The following RASEF variants were observed in gnomAD, a reference collection of about 807,000 sequenced individuals.
The protein encoded by RASEF is ras and EF-hand domain-containing protein.
A neutral mutation model predicts 90.1 loss-of-function variants in RASEF; 68 were observed. The observed-to-expected ratio is 0.75, with a 90% CI of 0.62 to 0.92. The LOEUF (loss-of-function observed/expected upper bound fraction) is 0.92. Ranked by LOEUF, RASEF falls within the 40% of genes least tolerant of loss-of-function variation. The pLI, the probability that RASEF is intolerant of heterozygous loss-of-function variation, is 0.00. For missense variants in RASEF, 949 were observed against 937.2 expected (o/e 1.01, Z -0.16); for synonymous variants, 331 against 345.2 (o/e 0.96, Z 0.46).
At position 83,021,055 on chromosome 9, in the gene RASEF, A is replaced by G. The variant is rs895270112; in HGVS notation, c.669+1281T>C. 3.3e-5 allele frequency among the ~76,000 whole-genome samples: 5 copies of G among 152,240 alleles called. No individual in the cohort carries two copies. The South Asian group carries it at 1.0e-3, about 32-fold the overall frequency. On this transcript the variant is annotated intron_variant, in intron 3 of 16. Coordinates refer to ENST00000376447, the MANE Select transcript of RASEF (RefSeq NM_152573.4). ...GGACAACAAAGACACCCCAGGGCAT[A>G]TATGTGGTAAAGCCATTTAAGGTGA...
intron 16 of RASEF, among the ~76,000 whole-genome samples, chr9:82,989,208 ATATG>A (rs1828767727): frequency 6.8e-6 from 1 of 147,798 alleles, no homozygotes; most frequent in Non-Finnish European, 1.5e-5. Context: ...GTATATATGT[ATATG>A]TATGTGTGCA....
chr9:83,036,289 C>T (rs1010378752), intron 1 of RASEF, among the ~76,000 whole-genome samples: 1 of 152,240 alleles, frequency 6.6e-6, no homozygotes. Context: ...TTGGAAGCAG[C>T]TGCCTCGGCC....
chr9:83,142,080 A>T, the RASEF span, among the ~76,000 whole-genome samples: 161 of 152,272 alleles, frequency 1.1e-3, no homozygotes, highest in African/African-American at 3.7e-3. Flanking sequence ...CCTGGCAAAA[A>T]CTAATGCTGC....
the RASEF span, among the ~76,000 whole-genome samples, chr9:83,192,810 C>T: frequency 2.7e-5 from 4 of 150,782 alleles, no homozygotes; most frequent in South Asian, 2.1e-4. Context: ...ACATCACAAG[C>T]GAGGAAAGCT....
rs1315131820 is a variant in RASEF, at chr9:83,030,834, TTTTC to T, written c.432-4917_432-4914del. On this transcript the variant is annotated intron_variant, in intron 1 of 16. Transcript: ENST00000376447. ...AATCGCTTACAAAATCTTCAGCACATTTTCTTTCTTTTTTCTTTCTTTCTCACTT... is the reference window on the plus strand; with the variant it reads ...AATCGCTTACAAAATCTTCAGCACATTTTCTTTTTTCTTTCTTTCTCACTT... 1.1e-4 allele frequency among the ~76,000 whole-genome samples: 17 copies of T among 152,154 alleles called. 1 individual carries two copies. The highest frequency in any genetic ancestry group is 8.5e-4 in the Admixed American group (13 of 15,276).
chr9:83,172,686 T>C, the RASEF span, among the ~76,000 whole-genome samples: 2 of 151,944 alleles, frequency 1.3e-5, no homozygotes. Flanking sequence ...TTTCTGACTT[T>C]TTGTGTTTTA....
the RASEF span, among the ~76,000 whole-genome samples, chr9:83,215,685 A>T: frequency 6.6e-6 from 1 of 152,222 alleles, no homozygotes; most frequent in East Asian, 1.9e-4. Flanking sequence ...TGCAGACAGT[A>T]GGGTGCTGCT....
chr9:83,177,926 T>C, the RASEF span, among the ~76,000 whole-genome samples: 1 of 152,112 alleles, frequency 6.6e-6, no homozygotes, highest in African/African-American at 2.4e-5. Context: ...CCGATTTTCT[T>C]CATTCTTTCC....
chr9:83,054,335 A>G (rs1321978727), intron 1 of RASEF, among the ~76,000 whole-genome samples: 1 of 13,472 alleles, frequency 7.4e-5, no homozygotes, highest in Non-Finnish European at 1.5e-4. Context: ...AGTTGATCGC[A>G]TCGGCTCCTG....
At chr9:82,996,238 GTAATATACTTAGTTGAAAAGTTGTAT>G (rs1483111409) in intron 14 of RASEF, among the ~76,000 whole-genome samples, 2 of 152,184 alleles carry the variant, frequency 1.3e-5, no homozygotes, top group Admixed American at 6.5e-5. Flanking sequence ...TAAATTACAG[GTAATATACTTAGTTGAAAAGTTGTAT>G]TAATATACTT....
the RASEF span, among the ~76,000 whole-genome samples, chr9:83,181,427 T>C: frequency 2.6e-5 from 4 of 152,160 alleles, no homozygotes; most frequent in African/African-American, 9.7e-5. Flanking sequence ...AGGACCAAAA[T>C]GGAAGAGATC....
rs555499678 is a variant in RASEF at position 83,029,249 on chromosome 9, C to T, written c.432-3328G>A. 4.6e-5 allele frequency among the ~76,000 whole-genome samples: 7 copies of T among 152,210 alleles called. No homozygotes were observed. In the East Asian group the frequency reaches 1.2e-3, roughly 25 times the overall value. On this transcript the variant is annotated intron_variant, in intron 1 of 16. Transcript: ENST00000376447. ...CTTCCCTATGTGTTAAATAGCTAAA[C>T]TCTGGCAGAAGAAATGGGATTCAAA... is the stretch of plus-strand genomic sequence containing the variant.
chr9:83,104,091 C>T, the RASEF span, among the ~76,000 whole-genome samples: 6 of 152,134 alleles, frequency 3.9e-5, no homozygotes, highest in Non-Finnish European at 7.4e-5. Flanking sequence ...ATCCTCCAAA[C>T]ACAGCCTCAG....
intron 10 of RASEF, 77 bp downstream of exon 10, chr9:83,000,819 G>T: frequency 7.9e-7 from 1 of 1,269,040 alleles, no homozygotes; most frequent in Non-Finnish European, 1.1e-6. Flanking sequence ...AGATTTCCAT[G>T]ACAGATAGAA....
At chr9:83,207,662 C>T in the RASEF span, among the ~76,000 whole-genome samples, 5 of 122,360 alleles carry the variant, frequency 4.1e-5, no homozygotes, top group African/African-American at 1.5e-4. Context: ...TGGTGGAGCG[C>T]AGTGGCGCAA....
intron 8 of RASEF, 140 bp from the exon 9 acceptor site, chr9:83,004,726 C>T (rs1474050334): frequency 3.3e-6 from 2 of 601,912 alleles, no homozygotes; most frequent in African/African-American, 1.8e-5. Flanking sequence ...GTTTGTTACA[C>T]TACCTGAGCA....
At chr9:83,218,725 A>AT in the RASEF span, among the ~76,000 whole-genome samples, 7 of 152,222 alleles carry the variant, frequency 4.6e-5, no homozygotes, top group Non-Finnish European at 1.0e-4. Flanking sequence ...CCGCCCTTGC[A>AT]TTCCCACCAG....
Position 83,063,021 on chromosome 9 carries a change from G to A in RASEF, c.-154C>T. 1.3e-6 allele frequency: 1 copy of A among 780,986 alleles called. No homozygotes were observed. Among genetic ancestry groups the A allele is most frequent in the Non-Finnish European group, 1.9e-6 (1 of 540,122 alleles). The allele number at this position is 780,986 out of a possible 1,614,324, so 48.4% of individuals were successfully genotyped here. On this transcript the variant is annotated 5_prime_UTR_variant, in exon 1 of 17. Transcript: ENST00000376447. ...CTTGAGGGAACGTCGGGCGGGGCGA[G>A]GAACGTCGGGGGTGGCCGAGCGGCT... is the stretch of plus-strand genomic sequence containing the variant.
At chr9:83,033,538 C>T (rs1214828114) in intron 1 of RASEF, among the ~76,000 whole-genome samples, 3 of 152,070 alleles carry the variant, frequency 2.0e-5, no homozygotes, top group East Asian at 1.9e-4. Flanking sequence ...AGCAGGAGCC[C>T]GATGAGCACA....
Sources: allele counts gnomAD v4.1 joint callset (sites outside exome capture counted in the v4.1 genomes callset), GRCh38; gene constraint gnomAD v4.1.1; transcripts MANE v1.5; gene names NCBI Gene and HGNC (gene_info 2026-07-23, HGNC 2026-07-21).